Variants in TRARG1 observed in about 807,000 individuals in gnomAD.
TRARG1 encodes the protein trafficking regulator of GLUT4 (SLC2A4) 1 (gene/pseudogene).
In TRARG1, 16 loss-of-function variants were observed where a neutral mutation model predicts 13.3. The observed-to-expected ratio is 1.20, with a 90% CI of 0.81 to 1.83. The LOEUF is 1.83. TRARG1 is among the 40% of genes most tolerant of loss of function. TRARG1 has a pLI of 0.00. For synonymous variants in TRARG1, 113 were observed against 106.2 expected (o/e 1.06, Z -0.39); for missense variants, 250 against 237.4 (o/e 1.05, Z -0.35).
rs543179607 is a variant in TRARG1, at chr17:1,286,866, A to G, written c.387+6478A>G. On this transcript the variant is annotated intron_variant, in intron 1 of 2. Coordinates refer to ENST00000333813, the MANE Select transcript of TRARG1 (RefSeq NM_172367.3). ...GTGGGGTGTTGTTGTCGGCCTGTGG[A>G]GTGTTGTTATTGGCCAGCCGGGTGT... is the stretch of plus-strand genomic sequence containing the variant. Among the ~76,000 whole-genome samples, 37 of 122,272 alleles carry G rather than the reference A, an allele frequency of 3.0e-4. No individual in the cohort carries two copies. The South Asian group carries it at 3.3e-3, about 11-fold the overall frequency. 80.2% of individuals were successfully genotyped at this position (122,272 alleles called of 152,430 possible). A position where few individuals can be genotyped will look rare whatever the true frequency, so the allele number is the denominator to read the frequency against.
rs1567928253 is a variant in TRARG1, at chr17:1,282,244, A to ACGTG, written c.387+1859_387+1860insGCGT. ...CACGTGCGTATATGTACGTATATGC[A>ACGTG]CGTATATGTACGTATATGTACATAT... On this transcript the variant is annotated intron_variant, in intron 1 of 2. Transcript: ENST00000333813. Among the ~76,000 whole-genome samples, 8 of 117,734 alleles carry ACGTG rather than the reference A, an allele frequency of 6.8e-5. 1 individual carries two copies. Among genetic ancestry groups the ACGTG allele is most frequent in the African/African-American group, 9.7e-5 (3 of 30,980 alleles). 77.2% of individuals were successfully genotyped at this position (117,734 alleles called of 152,430 possible). A position where few individuals can be genotyped will look rare whatever the true frequency, so the allele number is the denominator to read the frequency against.
intron 1 of TRARG1, 74 bp downstream of exon 1, chr17:1,280,462 C>A: frequency 7.1e-7 from 1 of 1,412,106 alleles, no homozygotes. Context: ...AGGCAGGCAC[C>A]AAACACTGCC....
rs796940965 is a variant in TRARG1, at chr17:1,300,651, G to T, written c.*2387G>T. The T allele has an allele frequency of 4.6e-5, 7 of 152,812 alleles. No individual in the cohort carries two copies. Among genetic ancestry groups the T allele is most frequent in the African/African-American group, 1.7e-4 (7 of 41,588 alleles). The allele number at this position is 152,812 out of a possible 1,614,324, so 9.5% of individuals were successfully genotyped here. A position where few individuals can be genotyped will look rare whatever the true frequency, so the allele number is the denominator to read the frequency against. ...AGAGGCCCCCGAGGTGTGTGTAGGA[G>T]GCGGAGGCCCGCAGAGCACAGAGCA... On this transcript the variant is annotated 3_prime_UTR_variant, in exon 3 of 3. Coordinates refer to ENST00000333813, the MANE Select transcript of TRARG1 (RefSeq NM_172367.3).
At chr17:1,280,508 C>A in intron 1 of TRARG1, 120 bp downstream of exon 1, 8 of 1,164,532 alleles carry the variant, frequency 6.9e-6, no homozygotes, top group Non-Finnish European at 8.4e-6. Context: ...GAGTGGGGGG[C>A]TTGGGGAAGA....
intron 2 of TRARG1, among the ~76,000 whole-genome samples, chr17:1,296,010 G>A (rs960890788): frequency 1.3e-5 from 2 of 152,140 alleles, no homozygotes; most frequent in African/African-American, 4.8e-5. Context: ...GCTTTTGTGA[G>A]CATCACCCGA....
chr17:1,284,575 G>A (rs984364566), intron 1 of TRARG1, among the ~76,000 whole-genome samples: 2 of 152,202 alleles, frequency 1.3e-5, no homozygotes, highest in Non-Finnish European at 2.9e-5. Flanking sequence ...GGGTTGTACC[G>A]ACCATTCATT....
intron 1 of TRARG1, among the ~76,000 whole-genome samples, chr17:1,287,549 A>T (rs1323196361): frequency 6.6e-6 from 1 of 151,652 alleles, no homozygotes; most frequent in African/African-American, 2.4e-5. Flanking sequence ...TTTATAGTAG[A>T]GATGGGGTTT....
Position 1,298,452 on chromosome 17 carries a change from C to A in TRARG1, c.*188C>A. ...CCCCATCTGACAAGAAAGCCTGGAGCGAGGAAGGAAAGCACAGCGAACCCA... is the reference window on the plus strand; with the variant it reads ...CCCCATCTGACAAGAAAGCCTGGAGAGAGGAAGGAAAGCACAGCGAACCCA... On this transcript the variant is annotated 3_prime_UTR_variant, in exon 3 of 3. Transcript: ENST00000333813. 1 of 587,378 alleles carries A rather than the reference C, an allele frequency of 1.7e-6. No individual in the cohort carries two copies. Among genetic ancestry groups the A allele is most frequent in the Non-Finnish European group, 2.9e-6 (1 of 345,952 alleles). The allele number at this position is 587,378 out of a possible 1,614,324, so 36.4% of individuals were successfully genotyped here.
At position 1,280,121 on chromosome 17, in the gene TRARG1, C is replaced by G; in HGVS notation, c.120C>G (p.Thr40=). 1 of 1,613,874 alleles carries G rather than the reference C, an allele frequency of 6.2e-7. No homozygotes were observed. Among genetic ancestry groups the G allele is most frequent in the East Asian group, 2.2e-5 (1 of 44,892 alleles). The part of the protein sequence containing the change: ...LTKAENKDDK[T]LNLSKTLSGP... ...AGGCAGAGAACAAGGATGACAAGACCCTGAATCTGTCCAAGACCCTCTCGG... is the reference window on the plus strand; with the variant it reads ...AGGCAGAGAACAAGGATGACAAGACGCTGAATCTGTCCAAGACCCTCTCGG... The change falls in exon 1 of 3, where the codon ACC becomes ACG. Residue 40 remains threonine (T), a synonymous_variant. Coordinates refer to ENST00000333813, the MANE Select transcript of TRARG1 (RefSeq NM_172367.3).
intron 2 of TRARG1, among the ~76,000 whole-genome samples, chr17:1,297,189 G>T (rs547879672): frequency 6.6e-6 from 1 of 152,066 alleles, no homozygotes; most frequent in Non-Finnish European, 1.5e-5. Context: ...TGTCAGAAAC[G>T]CAGAACTCCA....
At chr17:1,281,923 TAC>T (rs1598187030) in intron 1 of TRARG1, among the ~76,000 whole-genome samples, 1 of 152,098 alleles carries the variant, frequency 6.6e-6, no homozygotes, top group East Asian at 1.9e-4. Flanking sequence ...TTTCTATATA[TAC>T]ATATACATAC....
intron 1 of TRARG1, among the ~76,000 whole-genome samples, chr17:1,282,612 A>G (rs1416713222): frequency 6.6e-6 from 1 of 151,168 alleles, no homozygotes; most frequent in East Asian, 2.0e-4. Context: ...CTCGTGATCC[A>G]CCCACCTCGG....
chr17:1,289,816 C>T (rs924914349), intron 1 of TRARG1, among the ~76,000 whole-genome samples: 4 of 152,110 alleles, frequency 2.6e-5, no homozygotes, highest in Admixed American at 6.5e-5. Flanking sequence ...CATGGCACCC[C>T]GCACCTCTGC....
At position 1,280,048 on chromosome 17, in the gene TRARG1, G is replaced by A; in HGVS notation, c.47G>A (p.Gly16Asp). 6.2e-7 allele frequency: 1 copy of A among 1,613,372 alleles called. No homozygotes were observed. ...GAGTTTCCTTCAGCACAGGAGCCAG[G>A]CTCCGCCGCATTCCTGGACCTGCCG... Reference protein sequence around the residue: ...QSEFPSAQEPGSAAFLDLPEM... With the variant: ...QSEFPSAQEPDSAAFLDLPEM... The change falls in exon 1 of 3, where the codon GGC (glycine) becomes GAC (aspartate). Residue 16 changes from glycine to aspartate, a missense_variant. Transcript: ENST00000333813.
chr17:1,282,190 A>G (rs1279829249), intron 1 of TRARG1, among the ~76,000 whole-genome samples: 2 of 143,118 alleles, frequency 1.4e-5, no homozygotes, highest in African/African-American at 5.7e-5. Flanking sequence ...GCGTATATGT[A>G]CGTGTACACG....
chr17:1,281,989 C>CAT (rs1337611891), intron 1 of TRARG1, among the ~76,000 whole-genome samples: 3 of 151,128 alleles, frequency 2.0e-5, no homozygotes, highest in South Asian at 2.1e-4. Context: ...CATATATGTA[C>CAT]ATATATACAG....
chr17:1,293,496 TCGTGGGTTGTGC>T (rs1265900775), intron 1 of TRARG1, among the ~76,000 whole-genome samples: 8 of 149,734 alleles, frequency 5.3e-5, no homozygotes, highest in Non-Finnish European at 1.0e-4. Flanking sequence ...TTTGATGATG[TCGTGGGTTGTGC>T]TTGATGATGT....
At chr17:1,288,567 C>T (rs2072043338) in intron 1 of TRARG1, among the ~76,000 whole-genome samples, 1 of 80,380 alleles carries the variant, frequency 1.2e-5, no homozygotes, top group Admixed American at 1.3e-4. Flanking sequence ...CCAATGGGTT[C>T]CCCATCCCCC....
chr17:1,280,396 C>A lies in TRARG1; in HGVS notation c.387+8C>A. Reference sequence around the variant, plus strand: ...CTCATCATTTCCATCATGGTAAGTGCTGGTCTTTGTTCCAGGGGCAGGGGC... The same window carrying A: ...CTCATCATTTCCATCATGGTAAGTGATGGTCTTTGTTCCAGGGGCAGGGGC... On this transcript the variant is annotated splice_region_variant and intron_variant, in intron 1 of 2. Transcript: ENST00000333813. 1 of 1,575,236 alleles carries A rather than the reference C, an allele frequency of 6.3e-7. No homozygotes were observed.
Sources: gnomAD v4.1 joint callset for allele counts (sites outside exome capture counted in the v4.1 genomes callset) on GRCh38, gnomAD v4.1.1 for gene constraint, MANE v1.5 for transcripts, NCBI Gene and HGNC (gene_info 2026-07-23, HGNC 2026-07-21) for gene names.